AOPEP: variants seen among roughly 807,000 people sequenced by gnomAD.
AOPEP encodes the protein aminopeptidase O.
In AOPEP, 77 loss-of-function variants were observed where a neutral mutation model predicts 98.1. That is an observed-to-expected ratio of 0.78 (90% CI 0.65 to 0.95). AOPEP has a LOEUF of 0.95. AOPEP is among the 40% of genes least tolerant of loss of function. AOPEP has a pLI of 0.00. For synonymous variants in AOPEP, 346 were observed against 365.3 expected (o/e 0.95, Z 0.60); for missense variants, 1,024 against 1,024.7 (o/e 1.00, Z 0.01).
At chr9:95,042,005 G>T (rs529436954) in intron 13 of AOPEP, among the ~76,000 whole-genome samples, 68 of 152,268 alleles carry the variant, frequency 4.5e-4, no homozygotes, top group Non-Finnish European at 9.1e-4. Flanking sequence ...TTCAAGTGTA[G>T]CCAAGAGCTT....
chr9:95,136,328 G>A, the AOPEP span, among the ~76,000 whole-genome samples: 1 of 152,040 alleles, frequency 6.6e-6, no homozygotes, highest in African/African-American at 2.4e-5. Flanking sequence ...GAGCCCAGGA[G>A]GCTGTGTTCA....
At chr9:94,934,093 A>G (rs16911849) in intron 7 of AOPEP, among the ~76,000 whole-genome samples, 5,915 of 152,204 alleles carry the variant, frequency 0.039, 396 homozygotes, top group African/African-American at 0.14. Context: ...GCTTCAAGGA[A>G]GAGTCTGATA....
At chr9:94,742,770 A>G (rs1426748134) in intron 1 of AOPEP, among the ~76,000 whole-genome samples, 3 of 152,038 alleles carry the variant, frequency 2.0e-5, no homozygotes, top group African/African-American at 7.2e-5. Context: ...TGCCCTGATT[A>G]TATTTATGTT....
chr9:95,068,900 C>T (rs1345255918), intron 14 of AOPEP, among the ~76,000 whole-genome samples: 3 of 152,036 alleles, frequency 2.0e-5, no homozygotes, highest in Non-Finnish European at 4.4e-5. Context: ...CTCAGGATGC[C>T]CCCTTTGAGT....
chr9:95,006,001 C>CT (rs1382469280), intron 13 of AOPEP: 1 of 483,850 alleles, frequency 2.1e-6, no homozygotes, highest in Non-Finnish European at 4.2e-6. Context: ...CTCACCTAGA[C>CT]TTTAAATTGG....
At chr9:94,743,162 A>G (rs1833553453) in intron 1 of AOPEP, among the ~76,000 whole-genome samples, 1 of 137,774 alleles carries the variant, frequency 7.3e-6, no homozygotes, top group Admixed American at 7.8e-5. Context: ...TCACTTTGCA[A>G]TATAAAAGAA....
intron 10 of AOPEP, among the ~76,000 whole-genome samples, chr9:94,978,016 A>G (rs1471170736): frequency 6.6e-6 from 1 of 152,172 alleles, no homozygotes; most frequent in Non-Finnish European, 1.5e-5. Flanking sequence ...ATAGGGGGAA[A>G]GAAAGGAAGA....
At chr9:94,785,542 C>A (rs1844244448) in intron 3 of AOPEP, among the ~76,000 whole-genome samples, 1 of 152,204 alleles carries the variant, frequency 6.6e-6, no homozygotes. Flanking sequence ...TTTACAGAAT[C>A]TGCCCAGAAA....
At chr9:95,086,052 C>T (rs772369669) in intron 16 of AOPEP, 6 of 1,367,622 alleles carry the variant, frequency 4.4e-6, no homozygotes, top group East Asian at 4.5e-5. Flanking sequence ...TATCAGTTCT[C>T]ATTTTACACA....
At chr9:95,092,081 T>C (rs62581077), downstream of AOPEP, among the ~76,000 whole-genome samples, 38,443 of 140,582 alleles carry the variant, frequency 0.27, 5,380 homozygotes, top group Non-Finnish European at 0.34. Flanking sequence ...TGTGTGTGTG[T>C]GCACACACAC....
intron 13 of AOPEP, among the ~76,000 whole-genome samples, chr9:95,042,292 A>G (rs996548980): frequency 6.6e-6 from 1 of 151,752 alleles, no homozygotes; most frequent in African/African-American, 2.4e-5. Flanking sequence ...AGCCTGGGCA[A>G]CGGAGCGAGA....
chr9:94,918,776 G>A (rs555667829), intron 5 of AOPEP, among the ~76,000 whole-genome samples: 33 of 152,214 alleles, frequency 2.2e-4, no homozygotes, highest in Non-Finnish European at 4.3e-4. Flanking sequence ...TCAGTCTTCA[G>A]AAGGAGAAGA....
At chr9:94,879,010 T>C (rs1025594623) in intron 5 of AOPEP, among the ~76,000 whole-genome samples, 2 of 152,210 alleles carry the variant, frequency 1.3e-5, no homozygotes, top group African/African-American at 4.8e-5. Context: ...GCTGTCTTCT[T>C]GTGCTGAGTC....
At chr9:94,738,812 G>A (rs1342453003) in intron 1 of AOPEP, among the ~76,000 whole-genome samples, 1 of 151,896 alleles carries the variant, frequency 6.6e-6, no homozygotes, top group African/African-American at 2.4e-5. Context: ...CTGACTTCGT[G>A]ATCCGCCCGC....
At chr9:94,733,854 A>G (rs1349318470) in intron 1 of AOPEP, among the ~76,000 whole-genome samples, 1 of 152,202 alleles carries the variant, frequency 6.6e-6, no homozygotes, top group South Asian at 2.1e-4. Flanking sequence ...AACTGAATAC[A>G]TGTTCAGTTT....
At chr9:95,006,026 TAG>T (rs150767688) in intron 13 of AOPEP, 2 of 475,116 alleles carry the variant, frequency 4.2e-6, no homozygotes, top group Non-Finnish European at 8.7e-6. Context: ...ATCTAAGAAA[TAG>T]AGAGAGAAGA....
chr9:95,082,596 G>C lies in AOPEP; in HGVS notation c.2341G>C (p.Gly781Arg). 6.2e-7 allele frequency: 1 copy of C among 1,614,168 alleles called. No individual in the cohort carries two copies. Among genetic ancestry groups the C allele is most frequent in the South Asian group, 1.1e-5 (1 of 91,078 alleles). ...EDQAMGVYLY[G>R]ELMVSEDARQ... ...GCAGGCCATGGGTGTGTACCTCTAC[G>C]GGGAGCTGATGGTGAGTGAGGACGC... Residue 781 changes from glycine (G) to arginine (R), a missense_variant, in exon 16 of 17, where the codon GGG becomes CGG. This residue lies in a region of AOPEP where 566 missense variants were observed against 551.7 expected (regional missense o/e 1.03). Coordinates refer to ENST00000375315, the MANE Select transcript of AOPEP (RefSeq NM_001193329.3).
At chr9:94,789,595 G>C (rs900623102) in intron 3 of AOPEP, among the ~76,000 whole-genome samples, 3 of 152,122 alleles carry the variant, frequency 2.0e-5, no homozygotes, top group Non-Finnish European at 2.9e-5. Context: ...AGTTTTTATG[G>C]AGCAGTCATG....
chr9:94,904,157 A>G (rs2050815040), intron 5 of AOPEP: 1 of 152,174 alleles, frequency 6.6e-6, no homozygotes, highest in Non-Finnish European at 1.5e-5. Context: ...CCAGAAGTAA[A>G]GGAGATGAAA....
Sources: allele counts gnomAD v4.1 joint callset (sites outside exome capture counted in the v4.1 genomes callset), GRCh38; gene constraint gnomAD v4.1.1; regional missense constraint gnomAD v4.1.1; transcripts MANE v1.5; gene names NCBI Gene and HGNC (gene_info 2026-07-23, HGNC 2026-07-21).